The following MAP4K4 variants were observed in gnomAD, a reference collection of about 807,000 sequenced individuals.
MAP4K4 encodes HPK/GCK-like kinase HGK.
In MAP4K4, 38 loss-of-function variants were observed where a neutral mutation model predicts 189.6. That is an observed-to-expected ratio of 0.20 (90% CI 0.15 to 0.26). The LOEUF is 0.26. Among genes scored for constraint, MAP4K4 ranks in the 10% least tolerant of loss-of-function variants. The pLI is 1.00. For missense variants in MAP4K4, 1,054 were observed against 1,726.9 expected (o/e 0.61, Z 6.91); for synonymous variants, 610 against 624.3 (o/e 0.98, Z 0.34).
rs577777592 is a variant in MAP4K4, at chr2:101,874,762, A to G, written c.3241+510A>G. Among the ~76,000 whole-genome samples, 11 of 152,344 alleles carry G rather than the reference A, an allele frequency of 7.2e-5. No homozygotes were observed. In the East Asian group the frequency reaches 1.9e-3, roughly 27 times the overall value. The stretch of plus-strand genomic sequence containing the variant: ...CTTTACAGTGACTATTCTTTTGACT[A>G]TTAGCATTCAGTACTTTATAAAATT... On this transcript the variant is annotated intron_variant, in intron 26 of 32. Transcript: ENST00000324219.
intron 2 of MAP4K4, among the ~76,000 whole-genome samples, chr2:101,715,972 AG>A (rs775511616): frequency 7.2e-5 from 11 of 152,200 alleles, no homozygotes; most frequent in East Asian, 3.9e-4. Context: ...TGAAGGATCT[AG>A]GTTGTACACT....
At chr2:101,814,537 C>T (rs963932306) in intron 3 of MAP4K4, among the ~76,000 whole-genome samples, 3 of 152,048 alleles carry the variant, frequency 2.0e-5, no homozygotes, top group African/African-American at 7.2e-5. Context: ...GCAAATGATC[C>T]ACAATGAAGA....
intron 10 of MAP4K4, among the ~76,000 whole-genome samples, chr2:101,840,574 G>C (rs574125046): frequency 6.6e-6 from 1 of 152,248 alleles, no homozygotes; most frequent in East Asian, 1.9e-4. Context: ...CACCTTCCTG[G>C]AATGTTCTCC....
At chr2:101,709,503 T>TG (rs2044237434) in intron 2 of MAP4K4, among the ~76,000 whole-genome samples, 1 of 152,162 alleles carries the variant, frequency 6.6e-6, no homozygotes, top group South Asian at 2.1e-4. Context: ...GTGCCTGGCT[T>TG]TAAGTCATTT....
At chr2:101,831,361 TCTC>T (rs2096590880) in intron 6 of MAP4K4, among the ~76,000 whole-genome samples, 1 of 152,210 alleles carries the variant, frequency 6.6e-6, no homozygotes, top group Non-Finnish European at 1.5e-5. Context: ...CTCAGTCAGT[TCTC>T]CTGAACCTGG....
chr2:101,766,097 A>G (rs1272299302), intron 2 of MAP4K4, among the ~76,000 whole-genome samples: 1 of 152,234 alleles, frequency 6.6e-6, no homozygotes, highest in African/African-American at 2.4e-5. Context: ...ACCAAAGTTA[A>G]GGGACCCTTT....
chr2:101,870,583 G>A, intron 23 of MAP4K4, 168 bp downstream of exon 23: 2 of 812,634 alleles, frequency 2.5e-6, no homozygotes, highest in Non-Finnish European at 3.8e-6. Context: ...GGTGTGTACT[G>A]CATGCCCAGA....
At chr2:101,866,360 A>T in intron 18 of MAP4K4, 68 bp from the exon 19 acceptor site, 1 of 1,493,494 alleles carries the variant, frequency 6.7e-7, no homozygotes. Flanking sequence ...CACCATGCAC[A>T]TGTTGGTAAT....
chr2:101,833,575 G>C (rs910866831), intron 7 of MAP4K4, among the ~76,000 whole-genome samples: 2 of 150,224 alleles, frequency 1.3e-5, no homozygotes. Context: ...AGCTGAGATC[G>C]CGCCACTGCA....
intron 2 of MAP4K4, among the ~76,000 whole-genome samples, chr2:101,730,485 G>A (rs1002595179): frequency 8.5e-5 from 13 of 152,138 alleles, no homozygotes; most frequent in Admixed American, 2.0e-4. Context: ...AGAGACACCC[G>A]TGTTTAAGAA....
chr2:101,834,499 A>G, intron 8 of MAP4K4, 36 bp downstream of exon 8: 2 of 1,553,968 alleles, frequency 1.3e-6, no homozygotes, highest in East Asian at 2.3e-5. Flanking sequence ...CTCACTTGTT[A>G]CATGTGACTT....
At chr2:101,758,341 G>A (rs563010414) in intron 2 of MAP4K4, among the ~76,000 whole-genome samples, 4 of 152,262 alleles carry the variant, frequency 2.6e-5, no homozygotes, top group East Asian at 1.9e-4. Context: ...CATCGTGAGC[G>A]TTGTGTTACT....
chr2:101,792,621 C>CCTCCTCCTCCTCCTCCTT, intron 3 of MAP4K4, among the ~76,000 whole-genome samples: 1 of 149,662 alleles, frequency 6.7e-6, no homozygotes, highest in African/African-American at 2.5e-5. Context: ...TCCTCCTCCT[C>CCTCCTCCTCCTCCTCCTT]CTCCTCCTTC....
Position 101,888,944 on chromosome 2 carries a change from T to C in MAP4K4, c.4071+9T>C, listed in dbSNP as rs546499213. On this transcript the variant is annotated intron_variant, in intron 32 of 32. Coordinates refer to ENST00000324219, the Ensembl canonical transcript of MAP4K4. The stretch of plus-strand genomic sequence containing the variant: ...GTGAACGCAATGACAAGGTAATAGT[T>C]CCCTTATGGATTCTTTTTAGTTGCT... The C allele has an allele frequency of 1.2e-6, 2 of 1,606,974 alleles. No individual in the cohort carries two copies. Among genetic ancestry groups the C allele is most frequent in the African/African-American group, 1.3e-5 (1 of 74,784 alleles).
chr2:101,818,362 C>T (rs1174873238), intron 3 of MAP4K4, among the ~76,000 whole-genome samples: 1 of 152,126 alleles, frequency 6.6e-6, no homozygotes, highest in Admixed American at 6.5e-5. Flanking sequence ...AGTTAACAGT[C>T]AGTCGCCTTT....
intron 24 of MAP4K4, among the ~76,000 whole-genome samples, chr2:101,872,777 A>G (rs1456304068): frequency 1.3e-5 from 2 of 152,168 alleles, no homozygotes; most frequent in East Asian, 1.9e-4. Flanking sequence ...AGGGGGTCCA[A>G]TGGTACAGGA....
chr2:101,834,404 T>C lies in MAP4K4; in HGVS notation c.640-5T>C. ...TATCTGTAACGTACTGTTTTATTTT[T>C]GCAGAGTGATCTTTGGTCTTGTGGC... On this transcript the variant is annotated splice_polypyrimidine_tract_variant and splice_region_variant and intron_variant, in intron 7 of 32. Coordinates refer to ENST00000324219, the Ensembl canonical transcript of MAP4K4. 3 of 1,602,974 alleles carry C rather than the reference T, an allele frequency of 1.9e-6. No homozygotes were observed. Among genetic ancestry groups the C allele is most frequent in the Non-Finnish European group, 2.6e-6 (3 of 1,173,214 alleles).
chr2:101,888,109 G>T (rs1214291714), intron 31 of MAP4K4, among the ~76,000 whole-genome samples, 172 bp downstream of exon 31: 3 of 152,172 alleles, frequency 2.0e-5, no homozygotes, highest in African/African-American at 7.2e-5. Flanking sequence ...AATAGTCATA[G>T]GTCTATTTTA....
At chr2:101,870,446 G>A (rs999136641) in intron 23 of MAP4K4, 31 bp downstream of exon 23, 7 of 1,611,556 alleles carry the variant, frequency 4.3e-6, no homozygotes, top group Non-Finnish European at 5.9e-6. Context: ...GTCAGAGGCT[G>A]AGCTTCTCCT....
Sources: gnomAD v4.1 joint callset for allele counts (sites outside exome capture counted in the v4.1 genomes callset) on GRCh38, gnomAD v4.1.1 for gene constraint, MANE v1.5 for transcripts, NCBI Gene and HGNC (gene_info 2026-07-23, HGNC 2026-07-21) for gene names.